The following WNT2B variants were observed in gnomAD, a reference collection of about 807,000 sequenced individuals.
WNT2B encodes the protein Wnt family member 2B, also known as protein Wnt-2b.
In WNT2B, 19 loss-of-function variants were observed where a neutral mutation model predicts 40.5. That is an observed-to-expected ratio of 0.47 (90% CI 0.33 to 0.69). The LOEUF (loss-of-function observed/expected upper bound fraction) is 0.69, where lower values mean the gene tolerates loss of function less well. Ranked by LOEUF, WNT2B falls within the 30% of genes least tolerant of loss-of-function variation. WNT2B has a pLI of 0.02. For missense variants in WNT2B, 467 were observed against 556.4 expected (o/e 0.84, Z 1.62); for synonymous variants, 220 against 211.9 (o/e 1.04, Z -0.33).
intron 1 of WNT2B, among the ~76,000 whole-genome samples, chr1:112,500,205 A>C (rs1205015968): frequency 6.6e-6 from 1 of 152,186 alleles, no homozygotes; most frequent in Admixed American, 6.5e-5. Context: ...TTCTGTCATG[A>C]ATGTACAATG....
At chr1:112,504,165 C>G (rs1159510717), upstream of WNT2B, among the ~76,000 whole-genome samples, 2 of 152,198 alleles carry the variant, frequency 1.3e-5, no homozygotes, top group Non-Finnish European at 2.9e-5. Context: ...ACCTGGGCCA[C>G]CCGCCCGGAA....
intron 1 of WNT2B, among the ~76,000 whole-genome samples, chr1:112,482,013 G>A (rs1651241777): frequency 6.6e-6 from 1 of 152,014 alleles, no homozygotes; most frequent in African/African-American, 2.4e-5. Context: ...TGGTACAGTG[G>A]TGCATGCCTG....
At position 112,509,136 on chromosome 1, in the gene WNT2B, CT is replaced by C; in HGVS notation, c.-126del. ...CCCGGGCTCTGGACCCCAGGTGATC[CT>C]AGGTCCCCAGCCGCCGGCGAACACC... On this transcript the variant is annotated 5_prime_UTR_variant, in exon 1 of 5. Transcript: ENST00000369684. The surrounding 1 kb of genome is among the most constrained non-coding windows in gnomAD (Gnocchi z 4.2). 1 of 1,376,542 alleles carries C rather than the reference CT, an allele frequency of 7.3e-7. No homozygotes were observed. Among genetic ancestry groups the C allele is most frequent in the South Asian group, 1.7e-5 (1 of 59,552 alleles). The allele number at this position is 1,376,542 out of a possible 1,614,324, so 85.3% of individuals were successfully genotyped here.
Position 112,524,619 on chromosome 1 carries a change from G to C in WNT2B, c.*4110G>C, listed in dbSNP as rs1205770644. 6.6e-6 allele frequency: 1 copy of C among 152,582 alleles called. No individual in the cohort carries two copies. The highest frequency in any genetic ancestry group is 2.4e-5 in the African/African-American group (1 of 41,422). The allele number at this position is 152,582 out of a possible 1,614,324, so 9.5% of individuals were successfully genotyped here. On this transcript the variant is annotated 3_prime_UTR_variant, in exon 5 of 5. Transcript: ENST00000369684. Reference sequence around the variant, plus strand: ...ATTGATGGCCTTGGTGGAGGCCTCTGCCCCGACCCTCCACTTGGGAACTGC... The same window carrying C: ...ATTGATGGCCTTGGTGGAGGCCTCTCCCCCGACCCTCCACTTGGGAACTGC...
At chr1:112,491,359 AT>A (rs1651599374) in intron 1 of WNT2B, among the ~76,000 whole-genome samples, 1 of 152,180 alleles carries the variant, frequency 6.6e-6, no homozygotes, top group Non-Finnish European at 1.5e-5. Context: ...GTGAGCTGAG[AT>A]TGCACCACTG....
intron 1 of WNT2B, among the ~76,000 whole-genome samples, chr1:112,499,913 C>T (rs1651895539): frequency 6.6e-6 from 1 of 151,992 alleles, no homozygotes; most frequent in African/African-American, 2.4e-5. Flanking sequence ...TAATTGTGCA[C>T]AGTGGGGAGT....
rs746048189 is a variant in WNT2B at position 112,525,967 on chromosome 1, A to C, written c.*5458A>C. ...TACTGTCACTTTACAGATGCTGTTC[A>C]GAAAAATTTGGTGATTTGTCCAAGG... On this transcript the variant is annotated 3_prime_UTR_variant, in exon 5 of 5. Transcript: ENST00000369684. The C allele has an allele frequency of 6.2e-7, 1 of 1,611,460 alleles. No individual in the cohort carries two copies. Among genetic ancestry groups the C allele is most frequent in the East Asian group, 2.2e-5 (1 of 44,834 alleles).
chr1:112,507,142 C>G (rs1369547774), upstream of WNT2B, among the ~76,000 whole-genome samples: 1 of 152,168 alleles, frequency 6.6e-6, no homozygotes, highest in African/African-American at 2.4e-5. Context: ...CAAATCTCTG[C>G]TTGCATGTCA....
rs1653324346 is a variant in WNT2B, at chr1:112,526,106, C to T, written c.*5597C>T. ...CCCAGGGTTGGGGGCACCAGAGTCCCAGCACCTTCAAAACAGAAATTGATA... is the reference window on the plus strand; with the variant it reads ...CCCAGGGTTGGGGGCACCAGAGTCCTAGCACCTTCAAAACAGAAATTGATA... On this transcript the variant is annotated 3_prime_UTR_variant, in exon 5 of 5. Coordinates refer to ENST00000369684, the MANE Select transcript of WNT2B (RefSeq NM_024494.3). 1.2e-6 allele frequency: 2 copies of T among 1,614,122 alleles called. No individual in the cohort carries two copies. The highest frequency in any genetic ancestry group is 3.3e-5 in the Admixed American group (2 of 60,022).
At chr1:112,477,831 T>G (rs1651098110) in intron 1 of WNT2B, among the ~76,000 whole-genome samples, 2 of 152,174 alleles carry the variant, frequency 1.3e-5, no homozygotes, top group Non-Finnish European at 2.9e-5. Flanking sequence ...CATTTGAAAT[T>G]ATCTAGTCAG....
chr1:112,467,354 G>A lies in WNT2B; in HGVS notation c.-332G>A, dbSNP rs745957213. ...GAATTGAGGAGCATCATGAGCACAGGCACATTTACCAAGAAGCTAATGAGG... is the reference window on the plus strand; with the variant it reads ...GAATTGAGGAGCATCATGAGCACAGACACATTTACCAAGAAGCTAATGAGG... On this transcript the variant is annotated 5_prime_UTR_variant, in exon 1 of 5. Coordinates refer to the WNT2B transcript ENST00000256640. 5.2e-6 allele frequency: 3 copies of A among 578,152 alleles called. No homozygotes were observed. The Admixed American group carries it at 1.0e-4, about 20-fold the overall frequency. 35.8% of individuals were successfully genotyped at this position (578,152 alleles called of 1,614,324 possible). A position where few individuals can be genotyped will look rare whatever the true frequency, so the allele number is the denominator to read the frequency against.
rs1468670602 is a variant in WNT2B, at chr1:112,483,201, CACACACACACACACACACACATAT to C, written c.-95+15626_-95+15649del. Among the ~76,000 whole-genome samples the C allele has an allele frequency of 4.0e-3, 530 of 131,358 alleles. 4 individuals carry two copies. The highest frequency in any genetic ancestry group is 0.017 in the African/African-American group (501 of 28,744). 86.2% of individuals were successfully genotyped at this position (131,358 alleles called of 152,430 possible). On this transcript the variant is annotated intron_variant, in intron 1 of 4. Coordinates refer to the WNT2B transcript ENST00000256640. ...ATAGATACACACACACACACACACA[CACACACACACACACACACACATAT>C]ACACACACACACACATTATAGTAAT...
chr1:112,517,468 A>C, intron 4 of WNT2B, 83 bp downstream of exon 4: 4 of 1,493,960 alleles, frequency 2.7e-6, no homozygotes, highest in Non-Finnish European at 3.6e-6. Flanking sequence ...GTTCAGTCTC[A>C]GGAGTTAGGG....
rs556910914 is a variant in WNT2B, at chr1:112,510,699, A to AT, written c.182+1267dup. The stretch of plus-strand genomic sequence containing the variant: ...CCTGTTTCAGAAAAATCTCTTTTGA[A>AT]TTTTTTTTTTTTAAATCTCTGCAGT... On this transcript the variant is annotated intron_variant, in intron 1 of 4. Coordinates refer to ENST00000369684, the MANE Select transcript of WNT2B (RefSeq NM_024494.3). Among the ~76,000 whole-genome samples the AT allele has an allele frequency of 3.7e-3, 539 of 146,120 alleles. 5 individuals carry two copies. Among genetic ancestry groups the AT allele is most frequent in the East Asian group, 4.2e-3 (21 of 5,020 alleles).
Position 112,517,379 on chromosome 1 carries a change from G to C in WNT2B, c.940G>C (p.Ala314Pro), listed in dbSNP as rs138326201. ...TCCAGATTACTGTGTCTTGGACAAG[G>C]CTGCAGGTGAGTAAGGAAGGCAGGC... ...NSPDYCVLDK[A>P]AGSLGTAGRV... The change falls in exon 4 of 5, where the codon GCT (alanine) becomes CCT (proline). Residue 314 changes from alanine to proline, a missense_variant. Transcript: ENST00000369684. The C allele has an allele frequency of 1.0e-5, 16 of 1,600,486 alleles. No individual in the cohort carries two copies. Among genetic ancestry groups the C allele is most frequent in the African/African-American group, 1.3e-5 (1 of 74,726 alleles).
rs1370102873 is a variant in WNT2B at position 112,523,026 on chromosome 1, T to A, written c.*2517T>A. ...CCAAAGGAAGCTGCCTTATATTATATGCCAGGCTGCTGGGGAAAGCCTCAG... is the reference window on the plus strand; with the variant it reads ...CCAAAGGAAGCTGCCTTATATTATAAGCCAGGCTGCTGGGGAAAGCCTCAG... On this transcript the variant is annotated 3_prime_UTR_variant, in exon 5 of 5. Coordinates refer to ENST00000369684, the MANE Select transcript of WNT2B (RefSeq NM_024494.3). The A allele has an allele frequency of 6.6e-6, 1 of 152,250 alleles. No homozygotes were observed. The highest frequency in any genetic ancestry group is 2.4e-5 in the African/African-American group (1 of 41,462). The allele number at this position is 152,250 out of a possible 1,614,324, so 9.4% of individuals were successfully genotyped here.
chr1:112,511,559 C>T (rs772458737), intron 1 of WNT2B, among the ~76,000 whole-genome samples: 1 of 152,212 alleles, frequency 6.6e-6, no homozygotes, highest in African/African-American at 2.4e-5. Flanking sequence ...CACTCTGGAG[C>T]AGAAGGCCAT....
intron 4 of WNT2B, among the ~76,000 whole-genome samples, chr1:112,519,076 T>C (rs931679011): frequency 6.6e-6 from 1 of 152,138 alleles, no homozygotes; most frequent in Non-Finnish European, 1.5e-5. Flanking sequence ...GGGTTTTTGG[T>C]GCCCAAGAGG....
At position 112,517,363 on chromosome 1, in the gene WNT2B, C is replaced by T. The variant is rs756487288; in HGVS notation, c.924C>T (p.Tyr308=). Residue 308 remains tyrosine (Y), a synonymous_variant, in exon 4 of 5, where the codon TAC becomes TAT. Coordinates refer to ENST00000369684, the MANE Select transcript of WNT2B (RefSeq NM_024494.3). The stretch of plus-strand genomic sequence containing the variant: ...TCTACTTTGACAACTCTCCAGATTA[C>T]TGTGTCTTGGACAAGGCTGCAGGTG... ...DLVYFDNSPD[Y]CVLDKAAGSL... 1.2e-5 allele frequency: 20 copies of T among 1,609,650 alleles called. No individual in the cohort carries two copies. Among genetic ancestry groups the T allele is most frequent in the Middle Eastern group, 1.7e-4 (1 of 6,044 alleles).
Sources: gnomAD v4.1 joint callset for allele counts (sites outside exome capture counted in the v4.1 genomes callset) on GRCh38, gnomAD v4.1.1 for gene constraint, Gnocchi (gnomAD v3.1) non-coding constraint, MANE v1.5 for transcripts, NCBI Gene and HGNC (gene_info 2026-07-23, HGNC 2026-07-21) for gene names.